The following STX8 variants were observed in gnomAD, a reference collection of about 807,000 sequenced individuals.
The protein encoded by STX8 is syntaxin 8, also known as syntaxin-8.
Under a neutral mutation model 37.5 loss-of-function variants are expected in STX8, and 23 were observed. That is an observed-to-expected ratio of 0.61 (90% CI 0.44 to 0.87). STX8 has a LOEUF of 0.87. Among genes scored for constraint, STX8 ranks in the 40% least tolerant of loss-of-function variants. STX8 has a pLI of 0.00. For missense variants in STX8, 313 were observed against 284.7 expected (o/e 1.10, Z -0.71); for synonymous variants, 115 against 99.1 (o/e 1.16, Z -0.95).
At chr17:9,521,545 C>T (rs1383985913) in intron 4 of STX8, among the ~76,000 whole-genome samples, 2 of 152,204 alleles carry the variant, frequency 1.3e-5, no homozygotes, top group East Asian at 3.9e-4. Context: ...TAACATCTTT[C>T]AGTCCAATAC....
intron 7 of STX8, among the ~76,000 whole-genome samples, chr17:9,260,648 AAACAAAC>A (rs766206353): frequency 0.049 from 7,388 of 152,114 alleles, 295 homozygotes; most frequent in African/African-American, 0.11. Context: ...ACAAACAAAC[AAACAAAC>A]AACTGTGGTC....
At chr17:9,430,386 CT>C (rs990698392) in intron 6 of STX8, among the ~76,000 whole-genome samples, 1 of 150,554 alleles carries the variant, frequency 6.6e-6, no homozygotes, top group Non-Finnish European at 1.5e-5. Context: ...CCATTTCCCC[CT>C]GCCCCTAGCC....
chr17:9,360,327 C>T (rs534876358), intron 7 of STX8, among the ~76,000 whole-genome samples: 4 of 147,042 alleles, frequency 2.7e-5, no homozygotes, highest in South Asian at 4.4e-4. Context: ...CTCTGCCTCC[C>T]GGGTTCAAGC....
chr17:9,526,414 G>A (rs1905572873), intron 4 of STX8, among the ~76,000 whole-genome samples: 1 of 151,436 alleles, frequency 6.6e-6, no homozygotes, highest in South Asian at 2.1e-4. Context: ...CATCCTACAT[G>A]CACGTCCTGG....
At chr17:9,288,671 A>G (rs891779246) in intron 7 of STX8, among the ~76,000 whole-genome samples, 2 of 150,768 alleles carry the variant, frequency 1.3e-5, no homozygotes, top group African/African-American at 4.9e-5. Context: ...CGAAATAAAT[A>G]AATAAAATAA....
intron 7 of STX8, among the ~76,000 whole-genome samples, chr17:9,321,501 AAC>A (rs1245860812): frequency 6.6e-6 from 1 of 151,930 alleles, no homozygotes; most frequent in Non-Finnish European, 1.5e-5. Context: ...GAAAAAAAAT[AAC>A]ACATATAAAT....
At position 9,378,382 on chromosome 17, in the gene STX8, T is replaced by C. The variant is rs78849258; in HGVS notation, c.643+170A>G. 274 of 588,128 alleles carry C rather than the reference T, an allele frequency of 4.7e-4. 3 individuals are homozygous for C. In the East Asian group the frequency reaches 5.7e-3, roughly 12 times the overall value. The allele number at this position is 588,128 out of a possible 1,614,324, so 36.4% of individuals were successfully genotyped here. ...GATATGCCCTTTGAACTCCATTTCA[T>C]TTTGACCAGATTTAACCATTGTTTA... On this transcript the variant is annotated intron_variant, in intron 7 of 7. Coordinates refer to ENST00000306357, the MANE Select transcript of STX8 (RefSeq NM_004853.3).
rs1567758009 is a variant in STX8 at position 9,260,484 on chromosome 17, C to T, written c.644-9839G>A. Among the ~76,000 whole-genome samples, 3 of 151,920 alleles carry T rather than the reference C, an allele frequency of 2.0e-5. No individual in the cohort carries two copies. The South Asian group carries it at 6.2e-4, about 32-fold the overall frequency. On this transcript the variant is annotated intron_variant, in intron 7 of 7. Coordinates refer to ENST00000306357, the MANE Select transcript of STX8 (RefSeq NM_004853.3). Reference sequence around the variant, plus strand: ...ACTAAAAATACAAAAATTAGCCAGGCGTGGTGGTGCACGCCTGTAATCCCA... The same window carrying T: ...ACTAAAAATACAAAAATTAGCCAGGTGTGGTGGTGCACGCCTGTAATCCCA...
intron 6 of STX8, among the ~76,000 whole-genome samples, chr17:9,399,325 G>A (rs1255296475): frequency 6.6e-6 from 1 of 152,124 alleles, no homozygotes; most frequent in Non-Finnish European, 1.5e-5. Flanking sequence ...GCAAGGTACT[G>A]TTTCCATTCA....
At chr17:9,251,617 T>C (rs1213987940) in intron 7 of STX8, among the ~76,000 whole-genome samples, 1 of 152,194 alleles carries the variant, frequency 6.6e-6, no homozygotes, top group African/African-American at 2.4e-5. Flanking sequence ...CAGGGTCACA[T>C]GGTTGCACAG....
At chr17:9,349,523 TG>T (rs1330869743) in intron 7 of STX8, among the ~76,000 whole-genome samples, 3 of 151,996 alleles carry the variant, frequency 2.0e-5, no homozygotes, top group Admixed American at 6.6e-5. Context: ...AGTTTTACCA[TG>T]TTGGCCAGGC....
At chr17:9,307,447 G>A (rs1030369839) in intron 7 of STX8, among the ~76,000 whole-genome samples, 1 of 152,188 alleles carries the variant, frequency 6.6e-6, no homozygotes, top group African/African-American at 2.4e-5. Flanking sequence ...GAGGTCAGAG[G>A]TCAAAAGGCT....
At chr17:9,367,144 A>G (rs1401785183) in intron 7 of STX8, among the ~76,000 whole-genome samples, 2 of 151,588 alleles carry the variant, frequency 1.3e-5, no homozygotes, top group Admixed American at 6.6e-5. Context: ...CACATCTGTA[A>G]TGGACAATGT....
chr17:9,411,720 C>A (rs1304885908), intron 6 of STX8, among the ~76,000 whole-genome samples: 1 of 152,144 alleles, frequency 6.6e-6, no homozygotes, highest in African/African-American at 2.4e-5. Context: ...GTAATTCAAG[C>A]CAATAATCTG....
chr17:9,304,814 A>G (rs1406498088), intron 7 of STX8, among the ~76,000 whole-genome samples: 1 of 151,686 alleles, frequency 6.6e-6, no homozygotes, highest in Non-Finnish European at 1.5e-5. Context: ...CAAAATTTCC[A>G]CTCTGGGAAC....
chr17:9,313,140 G>A (rs750717333), intron 7 of STX8, among the ~76,000 whole-genome samples: 49 of 152,142 alleles, frequency 3.2e-4, no homozygotes, highest in African/African-American at 7.0e-4. Context: ...ATGGTGAGCC[G>A]AGATCACGCC....
intron 7 of STX8, among the ~76,000 whole-genome samples, chr17:9,277,182 T>C (rs1907706526): frequency 6.6e-6 from 1 of 152,188 alleles, no homozygotes; most frequent in Non-Finnish European, 1.5e-5. Flanking sequence ...TTAATGCGGA[T>C]GAACATCTTC....
In STX8 at chr17:9,319,569, C is replaced by G. The variant is rs188105748; in HGVS notation, c.643+58983G>C. The stretch of plus-strand genomic sequence containing the variant: ...AGGAAACAAGATTTACAGTCATATC[C>G]CATCCAGACTGGAACAAGAAGCCAG... On this transcript the variant is annotated intron_variant, in intron 7 of 7. Coordinates refer to ENST00000306357, the MANE Select transcript of STX8 (RefSeq NM_004853.3). Among the ~76,000 whole-genome samples the G allele has an allele frequency of 2.6e-3, 395 of 152,230 alleles. 2 individuals carry two copies. Among genetic ancestry groups the G allele is most frequent in the Middle Eastern group, 0.014 (4 of 294 alleles).
At chr17:9,428,270 C>G (rs1173754992) in intron 6 of STX8, among the ~76,000 whole-genome samples, 1 of 152,178 alleles carries the variant, frequency 6.6e-6, no homozygotes, top group Non-Finnish European at 1.5e-5. Flanking sequence ...GAGATGGAGT[C>G]TCACTCTGTC....
Sources: allele counts gnomAD v4.1 joint callset (sites outside exome capture counted in the v4.1 genomes callset), GRCh38; gene constraint gnomAD v4.1.1; transcripts MANE v1.5; gene names NCBI Gene and HGNC (gene_info 2026-07-23, HGNC 2026-07-21).